Variants in FHOD3 observed in about 807,000 individuals in gnomAD.
FHOD3 encodes the protein formin homology 2 domain containing 3.
A neutral mutation model predicts 173.0 loss-of-function variants in FHOD3; 90 were observed. The observed-to-expected ratio is 0.52, with a 90% CI of 0.44 to 0.62. The LOEUF (loss-of-function observed/expected upper bound fraction) is 0.62, where lower values mean the gene tolerates loss of function less well. Among genes scored for constraint, FHOD3 ranks in the 20% least tolerant of loss-of-function variants. FHOD3 has a pLI of 0.00. For synonymous variants in FHOD3, 828 were observed against 823.0 expected (o/e 1.01, Z -0.10); for missense variants, 1,945 against 2,034.7 (o/e 0.96, Z 0.85).
intron 3 of FHOD3, among the ~76,000 whole-genome samples, chr18:36,413,143 T>G (rs926607210): frequency 2.6e-5 from 4 of 152,232 alleles, no homozygotes; most frequent in African/African-American, 7.2e-5. Flanking sequence ...GGACTGTTCC[T>G]TATATTTTCC....
chr18:36,734,471 G>A (rs1240730408), intron 20 of FHOD3, among the ~76,000 whole-genome samples: 1 of 152,064 alleles, frequency 6.6e-6, no homozygotes, highest in African/African-American at 2.4e-5. Flanking sequence ...TCTAAAGGCT[G>A]CCTGTGTGAA....
At chr18:36,525,541 A>G (rs2056471749) in intron 5 of FHOD3, among the ~76,000 whole-genome samples, 1 of 152,246 alleles carries the variant, frequency 6.6e-6, no homozygotes, top group African/African-American at 2.4e-5. Context: ...GCAATTTGTT[A>G]TACAGAGTTA....
chr18:36,372,549 T>C (rs922596151), intron 2 of FHOD3, 131 bp from the exon 3 acceptor site: 13 of 613,736 alleles, frequency 2.1e-5, no homozygotes, highest in African/African-American at 2.0e-4. Context: ...TAGATTCTTA[T>C]TCAGTGTGGG....
rs1270102652 is a variant in FHOD3, at chr18:36,297,856, G to T, written c.21G>T (p.Arg7=). Residue 7 remains arginine, a synonymous_variant, in exon 1 of 29, where the codon CGG becomes CGT. Transcript: ENST00000590592. The part of the protein sequence containing the change: MATLAC[R]VQFLDDTDPF... ...GCATCATGGCCACGCTGGCTTGCCGGGTGCAGTTCTTGGACGACACGGACC... is the reference window on the plus strand; with the variant it reads ...GCATCATGGCCACGCTGGCTTGCCGTGTGCAGTTCTTGGACGACACGGACC... 6.5e-7 allele frequency: 1 copy of T among 1,534,018 alleles called. No individual in the cohort carries two copies. Among genetic ancestry groups the T allele is most frequent in the Non-Finnish European group, 8.8e-7 (1 of 1,140,486 alleles).
chr18:36,531,192 C>T (rs2056764709), intron 5 of FHOD3, among the ~76,000 whole-genome samples: 1 of 152,094 alleles, frequency 6.6e-6, no homozygotes, highest in African/African-American at 2.4e-5. Context: ...GTAACCCAGC[C>T]AGAGTGCTTT....
At chr18:36,645,535 C>T (rs974138329) in intron 10 of FHOD3, among the ~76,000 whole-genome samples, 2 of 152,170 alleles carry the variant, frequency 1.3e-5, no homozygotes, top group African/African-American at 4.8e-5. Flanking sequence ...ACCCCGAGTC[C>T]AGATCCATCT....
intron 20 of FHOD3, among the ~76,000 whole-genome samples, chr18:36,738,810 T>C (rs2041767363): frequency 6.6e-6 from 1 of 152,268 alleles, no homozygotes; most frequent in African/African-American, 2.4e-5. Context: ...CTTGTACCAA[T>C]GACACATTGT....
intron 3 of FHOD3, among the ~76,000 whole-genome samples, chr18:36,412,746 G>A (rs1021070358): frequency 6.6e-6 from 1 of 152,128 alleles, no homozygotes; most frequent in Non-Finnish European, 1.5e-5. Flanking sequence ...ATAAAATTAA[G>A]GTTAAAAATG....
intron 5 of FHOD3, among the ~76,000 whole-genome samples, chr18:36,519,961 T>TC: frequency 6.7e-6 from 1 of 149,198 alleles, no homozygotes; most frequent in East Asian, 2.0e-4. Flanking sequence ...TTTCATTTTT[T>TC]TTTTTTTTTT....
At chr18:36,745,241 G>C (rs1024443749) in intron 23 of FHOD3, among the ~76,000 whole-genome samples, 2 of 152,212 alleles carry the variant, frequency 1.3e-5, no homozygotes, top group Non-Finnish European at 2.9e-5. Context: ...AGGGGACCCT[G>C]AACTGGCCTA....
intron 10 of FHOD3, among the ~76,000 whole-genome samples, chr18:36,642,749 T>G (rs1340877123): frequency 6.6e-6 from 1 of 152,150 alleles, no homozygotes; most frequent in African/African-American, 2.4e-5. Context: ...TCAAGGAGAC[T>G]ATGACCTAAC....
intron 1 of FHOD3, among the ~76,000 whole-genome samples, chr18:36,322,100 C>G (rs2044427641): frequency 1.3e-5 from 2 of 152,110 alleles, no homozygotes; most frequent in Admixed American, 1.3e-4. Flanking sequence ...TGAGGAACAG[C>G]AAGGCCACTG....
intron 5 of FHOD3, among the ~76,000 whole-genome samples, chr18:36,566,115 C>T (rs551395048): frequency 1.6e-4 from 24 of 152,250 alleles, no homozygotes; most frequent in South Asian, 6.2e-4. Flanking sequence ...TTACACAGAG[C>T]AGCAATATTT....
At chr18:36,702,156 G>T (rs2039626330) in intron 17 of FHOD3, among the ~76,000 whole-genome samples, 1 of 152,154 alleles carries the variant, frequency 6.6e-6, no homozygotes, top group African/African-American at 2.4e-5. Context: ...TGCTCTCCTG[G>T]GGGACATTTG....
At chr18:36,407,622 G>A (rs1439710919) in intron 3 of FHOD3, among the ~76,000 whole-genome samples, 1 of 152,198 alleles carries the variant, frequency 6.6e-6, no homozygotes, top group Non-Finnish European at 1.5e-5. Flanking sequence ...TTGAATTGAA[G>A]TTTGTCTGAC....
At chr18:36,658,377 G>GCTT (rs1458869422) in intron 14 of FHOD3, among the ~76,000 whole-genome samples, 189 bp downstream of exon 14, 1 of 152,140 alleles carries the variant, frequency 6.6e-6, no homozygotes, top group African/African-American at 2.4e-5. Context: ...TATTTTATTA[G>GCTT]AGGTGATATT....
At chr18:36,377,365 T>C (rs1048873622) in intron 3 of FHOD3, among the ~76,000 whole-genome samples, 1 of 152,054 alleles carries the variant, frequency 6.6e-6, no homozygotes, top group African/African-American at 2.4e-5. Flanking sequence ...CCTCCTGGCT[T>C]GCAGGGAGGC....
At position 36,532,229 on chromosome 18, in the gene FHOD3, T is replaced by G. The variant is rs551313460; in HGVS notation, c.511+19686T>G. ...AGACTTGGAGTACACCAAGAAAGTA[T>G]GGAGTATCTCTTTCTCAGTGAGTGT... On this transcript the variant is annotated intron_variant, in intron 5 of 28. Coordinates refer to ENST00000590592, the MANE Select transcript of FHOD3 (RefSeq NM_001281740.3). Among the ~76,000 whole-genome samples the G allele has an allele frequency of 3.4e-4, 52 of 152,286 alleles. 1 individual carries two copies. In the Middle Eastern group the frequency reaches 0.017, roughly 50 times the overall value.
At chr18:36,549,891 G>A (rs573450158) in intron 5 of FHOD3, among the ~76,000 whole-genome samples, 1 of 151,474 alleles carries the variant, frequency 6.6e-6, no homozygotes, top group Admixed American at 6.6e-5. Context: ...AGGTCACAAA[G>A]ATTTACTCCC....
Sources: gnomAD v4.1 joint callset for allele counts (sites outside exome capture counted in the v4.1 genomes callset) on GRCh38, gnomAD v4.1.1 for gene constraint, MANE v1.5 for transcripts, NCBI Gene and HGNC (gene_info 2026-07-23, HGNC 2026-07-21) for gene names.